Variants in NTRK3 observed in about 807,000 individuals in gnomAD.
The protein encoded by NTRK3 is NT-3 growth factor receptor.
Under a neutral mutation model 91.7 loss-of-function variants are expected in NTRK3, and 24 were observed. That is an observed-to-expected ratio of 0.26 (90% CI 0.19 to 0.37). NTRK3 has a LOEUF of 0.37. Ranked by LOEUF, NTRK3 falls within the 10% of genes least tolerant of loss-of-function variation. The pLI is 1.00. For synonymous variants in NTRK3, 483 were observed against 404.0 expected (o/e 1.20, Z -2.34); for missense variants, 880 against 1,068.9 (o/e 0.82, Z 2.46).
At chr15:88,242,757 A>G (rs1306206716) in intron 3 of NTRK3, among the ~76,000 whole-genome samples, 1 of 152,120 alleles carries the variant, frequency 6.6e-6, no homozygotes, top group East Asian at 1.9e-4. Context: ...TTCTTCCCCA[A>G]CAGTCCAGAT....
intron 13 of NTRK3, among the ~76,000 whole-genome samples, chr15:88,035,183 A>G (rs935563930): frequency 1.3e-5 from 2 of 152,224 alleles, no homozygotes; most frequent in Non-Finnish European, 2.9e-5. Flanking sequence ...TGCAGGGGGA[A>G]TATTTGCAGG....
At chr15:87,873,017 G>C (rs1366643572) in exon 19 of NTRK3, 6 of 232,942 alleles carry the variant, frequency 2.6e-5, no homozygotes, top group African/African-American at 1.3e-4. Flanking sequence ...AATGCACCCT[G>C]TACTCTCCCG....
rs945785292 is a variant in NTRK3, at chr15:88,191,016, C to T, written c.249-6717G>A. Among the ~76,000 whole-genome samples the T allele has an allele frequency of 3.9e-4, 60 of 152,286 alleles. No individual in the cohort carries two copies. The Middle Eastern group carries it at 0.01, about 26-fold the overall frequency. On this transcript the variant is annotated intron_variant, in intron 3 of 18. Transcript: ENST00000394480. ...TGTTTTCATATGACTTTGTTTTGCT[C>T]CCCCTTTTGGATAACTGAAGTTGCC...
At chr15:87,922,128 A>G (rs2067925142) in intron 17 of NTRK3, among the ~76,000 whole-genome samples, 3 of 152,208 alleles carry the variant, frequency 2.0e-5, no homozygotes, top group African/African-American at 7.2e-5. Context: ...TACCATCATT[A>G]GCTTTTGTTT....
In NTRK3 at chr15:88,241,055, G is replaced by T. The variant is rs2052305044; in HGVS notation, c.248+14851C>A. On this transcript the variant is annotated intron_variant, in intron 3 of 18. Coordinates refer to ENST00000394480, the Ensembl canonical transcript of NTRK3. This position sits in a 1 kb window ranked among gnomAD's most constrained non-coding sequence, Gnocchi z 4.3. The stretch of plus-strand genomic sequence containing the variant: ...ACACCTACTAGGTGGGGGCTCTTGG[G>T]GACAGAGCTGAATAAGCCTCAATGC... Among the ~76,000 whole-genome samples the T allele has an allele frequency of 6.6e-6, 1 of 152,154 alleles. No homozygotes were observed. The highest frequency in any genetic ancestry group is 6.5e-5 in the Admixed American group (1 of 15,282).
At chr15:88,221,616 C>A (rs2050242047) in intron 3 of NTRK3, among the ~76,000 whole-genome samples, 1 of 152,084 alleles carries the variant, frequency 6.6e-6, no homozygotes, top group Non-Finnish European at 1.5e-5. Context: ...CATGGTGGAA[C>A]CTCATCTCTA....
chr15:87,929,044 G>T, intron 17 of NTRK3, 147 bp downstream of exon 17: 1 of 1,184,670 alleles, frequency 8.4e-7, no homozygotes, highest in Non-Finnish European at 1.2e-6. Flanking sequence ...ATGCAAGAGA[G>T]GCCAAAAGAT....
intron 3 of NTRK3, among the ~76,000 whole-genome samples, chr15:88,236,371 T>C (rs140445896): frequency 2.9e-3 from 441 of 151,980 alleles, no homozygotes; most frequent in African/African-American, 1.0e-2. Context: ...AAGTCATCTA[T>C]TGTGAAAAAG....
At chr15:88,184,631 C>T (rs114702297) in intron 3 of NTRK3, among the ~76,000 whole-genome samples, 1 of 152,376 alleles carries the variant, frequency 6.6e-6, no homozygotes, top group East Asian at 1.9e-4. Context: ...CAGTTTTCCT[C>T]TGTTCCCCTT....
intron 14 of NTRK3, among the ~76,000 whole-genome samples, chr15:87,973,757 T>C (rs1413569360): frequency 1.3e-5 from 2 of 152,140 alleles, no homozygotes; most frequent in Non-Finnish European, 2.9e-5. Flanking sequence ...CTCCCGTCTC[T>C]GCTGTCATGC....
At chr15:87,920,150 AC>A (rs945336367) in intron 17 of NTRK3, among the ~76,000 whole-genome samples, 2 of 152,158 alleles carry the variant, frequency 1.3e-5, no homozygotes, top group African/African-American at 4.8e-5. Flanking sequence ...CCCTCAACAG[AC>A]TTTTGTATTC....
rs139263989 is a variant in NTRK3, at chr15:88,094,810, G to C, written c.1396+31461C>G. Among the ~76,000 whole-genome samples the C allele has an allele frequency of 6.2e-4, 95 of 152,336 alleles. 1 individual carries two copies. The highest frequency in any genetic ancestry group is 6.8e-3 in the Middle Eastern group (2 of 294). Reference sequence around the variant, plus strand: ...TGATTTACTCCCAGGGAATGACTTAGACAGTGGGAAGAATATGGCTCAGTG... The same window carrying C: ...TGATTTACTCCCAGGGAATGACTTACACAGTGGGAAGAATATGGCTCAGTG... On this transcript the variant is annotated intron_variant, in intron 13 of 18. Transcript: ENST00000394480.
At chr15:88,058,049 T>A (rs2045883205) in intron 13 of NTRK3, among the ~76,000 whole-genome samples, 1 of 152,196 alleles carries the variant, frequency 6.6e-6, no homozygotes, top group Admixed American at 6.5e-5. Context: ...TCGCTCTCTC[T>A]GGGTGAGATC....
At chr15:88,063,271 C>T (rs1170825585) in intron 13 of NTRK3, among the ~76,000 whole-genome samples, 1 of 152,236 alleles carries the variant, frequency 6.6e-6, no homozygotes, top group African/African-American at 2.4e-5. Flanking sequence ...CCCTGCCCGA[C>T]ATCATTTCTT....
chr15:87,872,947 A>G (rs1370362631), exon 19 of NTRK3: 1 of 233,024 alleles, frequency 4.3e-6, no homozygotes, highest in Middle Eastern at 1.2e-3. Context: ...GTGGATAACT[A>G]ATAGCAAAAT....
At chr15:88,189,127 A>G (rs2047180970) in intron 3 of NTRK3, among the ~76,000 whole-genome samples, 1 of 152,170 alleles carries the variant, frequency 6.6e-6, no homozygotes, top group African/African-American at 2.4e-5. Context: ...CAGTGATGTC[A>G]AGGTAGACCC....
At position 88,144,604 on chromosome 15, in the gene NTRK3, A is replaced by G. The variant is rs1481309902; in HGVS notation, c.464+2731T>C. On this transcript the variant is annotated intron_variant, in intron 6 of 18. Transcript: ENST00000394480. The stretch of plus-strand genomic sequence containing the variant: ...AGCAGATCGGGGTAGTGATAATATT[A>G]AACATCATAACACTCATTCCCAGAT... Among the ~76,000 whole-genome samples the G allele has an allele frequency of 2.0e-5, 3 of 152,156 alleles. No homozygotes were observed. The South Asian group carries it at 6.2e-4, about 32-fold the overall frequency.
At chr15:88,038,020 G>A (rs942739470) in intron 13 of NTRK3, among the ~76,000 whole-genome samples, 3 of 152,202 alleles carry the variant, frequency 2.0e-5, no homozygotes, top group Non-Finnish European at 4.4e-5. Flanking sequence ...CCCTGAAAGT[G>A]CAGACTGTGG....
At position 88,237,508 on chromosome 15, in the gene NTRK3, G is replaced by C. The variant is rs1311972666; in HGVS notation, c.248+18398C>G. Among the ~76,000 whole-genome samples the C allele has an allele frequency of 6.6e-6, 1 of 152,192 alleles. No homozygotes were observed. Among genetic ancestry groups the C allele is most frequent in the Non-Finnish European group, 1.5e-5 (1 of 68,032 alleles). Reference sequence around the variant, plus strand: ...TCACTGGTAGCTGTTGAAATAATTAGTTAATTAATTCATAAGAGAGCTAGA... The same window carrying C: ...TCACTGGTAGCTGTTGAAATAATTACTTAATTAATTCATAAGAGAGCTAGA... On this transcript the variant is annotated intron_variant, in intron 3 of 18. Transcript: ENST00000394480. This position sits in a 1 kb window ranked among gnomAD's most constrained non-coding sequence, Gnocchi z 4.0.
Sources: allele counts gnomAD v4.1 joint callset (sites outside exome capture counted in the v4.1 genomes callset), GRCh38; gene constraint gnomAD v4.1.1; non-coding constraint Gnocchi (gnomAD v3.1); transcripts MANE v1.5; gene names NCBI Gene and HGNC (gene_info 2026-07-23, HGNC 2026-07-21).